The following WDR41 variants were observed in gnomAD, a reference collection of about 807,000 sequenced individuals.
The protein encoded by WDR41 is WD repeat-containing protein 41.
A neutral mutation model predicts 69.3 loss-of-function variants in WDR41; 63 were observed. The ratio of observed to expected loss-of-function variants is 0.91; its 90% CI spans 0.74 to 1.12. The LOEUF is 1.12. WDR41 is among the 50% of genes most tolerant of loss of function. WDR41 has a pLI of 0.00. For missense variants in WDR41, 543 were observed against 534.5 expected (o/e 1.02, Z -0.16); for synonymous variants, 185 against 192.1 (o/e 0.96, Z 0.31).
At chr5:77,524,662 G>A (rs546861421) in intron 1 of WDR41, among the ~76,000 whole-genome samples, 1 of 151,928 alleles carries the variant, frequency 6.6e-6, no homozygotes. Context: ...TGTCTCAAAG[G>A]TTCCATTTTC....
chr5:77,438,983 C>T (rs560758133), intron 9 of WDR41, among the ~76,000 whole-genome samples: 13 of 152,230 alleles, frequency 8.5e-5, no homozygotes, highest in South Asian at 4.2e-4. Flanking sequence ...CTCACAACAT[C>T]GTGTTAAGAA....
intron 1 of WDR41, among the ~76,000 whole-genome samples, chr5:77,502,231 C>T (rs1241264308): frequency 6.6e-6 from 1 of 152,006 alleles, no homozygotes; most frequent in East Asian, 1.9e-4. Context: ...CATACACAAG[C>T]TTCAATAGCC....
intron 1 of WDR41, among the ~76,000 whole-genome samples, chr5:77,578,207 A>T (rs866353555): frequency 1.5e-4 from 23 of 152,338 alleles, no homozygotes; most frequent in South Asian, 1.5e-3. Flanking sequence ...GCAGAGCAAT[A>T]CGTACCCCCA....
chr5:77,479,207 T>C (rs1302546008), intron 2 of WDR41, among the ~76,000 whole-genome samples: 2 of 151,814 alleles, frequency 1.3e-5, no homozygotes, highest in Admixed American at 6.6e-5. Context: ...TCCATGCTCA[T>C]GGGTAGGAAG....
At chr5:77,449,275 A>C (rs764900326) in intron 8 of WDR41, among the ~76,000 whole-genome samples, 1 of 152,212 alleles carries the variant, frequency 6.6e-6, no homozygotes, top group Non-Finnish European at 1.5e-5. Flanking sequence ...CATTTTCTGC[A>C]GACTTTTACT....
intron 2 of WDR41, among the ~76,000 whole-genome samples, chr5:77,489,062 A>C (rs539209475): frequency 6.6e-6 from 1 of 152,362 alleles, no homozygotes; most frequent in East Asian, 1.9e-4. Context: ...CTTACCTTCC[A>C]CTAAAAATAA....
chr5:77,522,729 C>A (rs186755521), intron 1 of WDR41, among the ~76,000 whole-genome samples: 1 of 151,940 alleles, frequency 6.6e-6, no homozygotes, highest in East Asian at 1.9e-4. Context: ...AGATAAGTCA[C>A]GAGTTCTCCA....
intron 5 of WDR41, among the ~76,000 whole-genome samples, chr5:77,458,651 CTAAG>C (rs1799925315): frequency 6.6e-6 from 1 of 152,102 alleles, no homozygotes; most frequent in Non-Finnish European, 1.5e-5. Flanking sequence ...AGTTTTGAAA[CTAAG>C]TAACTGACAT....
At chr5:77,595,156 C>T (rs947494166) in intron 1 of WDR41, among the ~76,000 whole-genome samples, 6 of 148,924 alleles carry the variant, frequency 4.0e-5, no homozygotes, top group Admixed American at 6.7e-5. Context: ...AGGTCTTCTT[C>T]GTGCTTCATT....
upstream of WDR41, among the ~76,000 whole-genome samples, chr5:77,494,260 C>CA (rs1027449706): frequency 1.3e-5 from 2 of 150,980 alleles, no homozygotes; most frequent in Non-Finnish European, 3.0e-5. Flanking sequence ...AAATGAGGTA[C>CA]AAAAAAACTA....
intron 5 of WDR41, among the ~76,000 whole-genome samples, chr5:77,455,946 A>G (rs968968947): frequency 6.6e-6 from 1 of 151,060 alleles, no homozygotes; most frequent in Non-Finnish European, 1.5e-5. Context: ...GCACTCCCAT[A>G]TGAATTTTAG....
intron 1 of WDR41, among the ~76,000 whole-genome samples, chr5:77,556,101 T>TC (rs1251690461): frequency 6.7e-5 from 9 of 135,002 alleles, no homozygotes; most frequent in Middle Eastern, 7.1e-3. Flanking sequence ...TGGACTTTTT[T>TC]TTTTTTTTTT....
intron 1 of WDR41, among the ~76,000 whole-genome samples, chr5:77,566,613 GTGAGTT>G (rs1224475504): frequency 6.6e-6 from 1 of 152,170 alleles, no homozygotes; most frequent in African/African-American, 2.4e-5. Flanking sequence ...TATTTATTCA[GTGAGTT>G]TGAGGGTGTG....
chr5:77,541,487 C>CTTTTTT (rs11335010), intron 1 of WDR41, among the ~76,000 whole-genome samples: 12 of 97,810 alleles, frequency 1.2e-4, no homozygotes, highest in African/African-American at 1.6e-4. Flanking sequence ...AAAAGGAATT[C>CTTTTTT]TTTTTTTTTT....
intron 1 of WDR41, among the ~76,000 whole-genome samples, chr5:77,500,013 T>C (rs1021237577): frequency 6.6e-6 from 1 of 152,116 alleles, no homozygotes; most frequent in Non-Finnish European, 1.5e-5. Context: ...AGTTTCATAG[T>C]GTCATATTCC....
At chr5:77,543,921 C>T (rs572222711) in intron 1 of WDR41, among the ~76,000 whole-genome samples, 53 of 152,096 alleles carry the variant, frequency 3.5e-4, no homozygotes, top group African/African-American at 1.1e-3. Context: ...ACCAGGTAAC[C>T]CATAAAGAAA....
chr5:77,525,210 G>T (rs1026705431), intron 1 of WDR41, among the ~76,000 whole-genome samples: 1 of 152,076 alleles, frequency 6.6e-6, no homozygotes, highest in Non-Finnish European at 1.5e-5. Flanking sequence ...AAGAGCCAAA[G>T]CTTCCTAAAC....
intron 7 of WDR41, among the ~76,000 whole-genome samples, 160 bp from the exon 8 acceptor site, chr5:77,450,030 C>A (rs1281368853): frequency 6.6e-6 from 1 of 152,184 alleles, no homozygotes; most frequent in African/African-American, 2.4e-5. Context: ...TAAACTATTT[C>A]TTTCAAATGC....
rs375743243 is a variant in WDR41 at position 77,440,636 on chromosome 5, CAA to C, written c.882+175_882+176del. 3.4e-3 allele frequency among the ~76,000 whole-genome samples: 517 copies of C among 152,174 alleles called. 4 individuals are homozygous for C. Among genetic ancestry groups the C allele is most frequent in the African/African-American group, 0.012 (486 of 41,510 alleles). ...CATTTCCTTGCCTCGAGATTAGAAG[CAA>C]AGATTAAAATGCTTAACACAAATCA... On this transcript the variant is annotated intron_variant, in intron 9 of 12. Transcript: ENST00000296679.
Sources: allele counts gnomAD v4.1 joint callset (sites outside exome capture counted in the v4.1 genomes callset), GRCh38; gene constraint gnomAD v4.1.1; transcripts MANE v1.5; gene names NCBI Gene and HGNC (gene_info 2026-07-23, HGNC 2026-07-21).